Variants in LRTM3 observed in about 807,000 individuals in gnomAD.
The protein encoded by LRTM3 is leucine rich repeat transmembrane protein 3.
the LRTM3 span, chr13:102,737,206 G>C: frequency 6.4e-7 from 1 of 1,550,858 alleles, no homozygotes; most frequent in East Asian, 2.4e-5. Context: ...TCTGTGGCTT[G>C]TATTCTTGTA....
chr13:102,733,259 A>AT, the LRTM3 span: 2 of 1,551,274 alleles, frequency 1.3e-6, no homozygotes, highest in Non-Finnish European at 1.7e-6. Flanking sequence ...GACGATACTT[A>AT]TTTTTTTGAG....
At chr13:102,746,636 G>T in the LRTM3 span, 1 of 1,551,234 alleles carries the variant, frequency 6.4e-7, no homozygotes. Context: ...GAGTGCAAAT[G>T]TTACTCTCTT....
chr13:102,734,966 T>C, the LRTM3 span: 2 of 1,551,088 alleles, frequency 1.3e-6, no homozygotes, highest in Non-Finnish European at 1.7e-6. Context: ...TGTGCCTCCC[T>C]CAGTATCTGG....
the LRTM3 span, chr13:102,737,769 C>G: frequency 4.5e-4 from 700 of 1,550,968 alleles, 3 homozygotes; most frequent in African/African-American, 8.5e-3. Context: ...TTCCCTGTCT[C>G]TGATGATTTC....
At chr13:102,736,157 G>A in the LRTM3 span, 1 of 1,545,514 alleles carries the variant, frequency 6.5e-7, no homozygotes. Context: ...TGATGATATA[G>A]GAAGCTTTGG....
the LRTM3 span, chr13:102,746,053 G>A: frequency 2.1e-5 from 32 of 1,550,998 alleles, no homozygotes; most frequent in Non-Finnish European, 2.7e-5. Flanking sequence ...GGACTTTTAT[G>A]TCATTTTCTG....
the LRTM3 span, chr13:102,739,893 G>T: frequency 6.5e-7 from 1 of 1,550,168 alleles, no homozygotes; most frequent in Non-Finnish European, 8.7e-7. Flanking sequence ...ATGTTCCACT[G>T]CATTTCTAGT....
the LRTM3 span, among the ~76,000 whole-genome samples, chr13:102,754,802 G>A: frequency 6.6e-6 from 1 of 152,090 alleles, no homozygotes; most frequent in African/African-American, 2.4e-5. Context: ...AACAGTTCTA[G>A]AGCCATGGTA....
chr13:102,735,976 G>A, the LRTM3 span: 2 of 1,549,434 alleles, frequency 1.3e-6, no homozygotes, highest in East Asian at 2.4e-5. Flanking sequence ...GTGCAAGTGG[G>A]AGTGCCTCTG....
the LRTM3 span, chr13:102,745,443 C>G: frequency 1.2e-5 from 19 of 1,550,742 alleles, no homozygotes; most frequent in Admixed American, 3.3e-4. Context: ...TCATCTACCC[C>G]CTTTTTGCCT....
At chr13:102,748,124 T>G in the LRTM3 span, 1 of 1,551,142 alleles carries the variant, frequency 6.4e-7, no homozygotes, top group East Asian at 2.4e-5. Flanking sequence ...TGATATGCTA[T>G]GTGTTTCTGT....
the LRTM3 span, among the ~76,000 whole-genome samples, chr13:102,755,946 TATATATATATA>T: frequency 1.4e-4 from 6 of 42,478 alleles, no homozygotes; most frequent in African/African-American, 4.0e-4. Context: ...TATATACATA[TATATATATATA>T]TATATTTTTT....
At chr13:102,747,543 C>G in the LRTM3 span, 22 of 1,550,772 alleles carry the variant, frequency 1.4e-5, no homozygotes, top group Admixed American at 3.9e-5. Context: ...AGGGCAACTG[C>G]AGGTAAATAT....
chr13:102,734,349 C>G, the LRTM3 span: 1 of 1,551,268 alleles, frequency 6.4e-7, no homozygotes, highest in East Asian at 2.4e-5. Flanking sequence ...CCAAGCCTTT[C>G]TTCATCTGCA....
chr13:102,737,570 G>A, the LRTM3 span: 1 of 1,550,052 alleles, frequency 6.5e-7, no homozygotes, highest in Non-Finnish European at 8.7e-7. Flanking sequence ...CCTTTTCCCT[G>A]GCTCTTTAGG....
the LRTM3 span, among the ~76,000 whole-genome samples, chr13:102,753,084 A>G: frequency 5.9e-5 from 9 of 152,326 alleles, no homozygotes; most frequent in Non-Finnish European, 1.3e-4. Context: ...ACGCCCATCA[A>G]TGATAGACTG....
the LRTM3 span, chr13:102,747,459 T>C: frequency 5.2e-6 from 8 of 1,548,908 alleles, no homozygotes; most frequent in African/African-American, 9.6e-5. Context: ...ACACTTTTTG[T>C]TTCTGATAAT....
the LRTM3 span, chr13:102,733,000 TC>T: frequency 1.3e-6 from 2 of 1,551,290 alleles, no homozygotes; most frequent in African/African-American, 2.7e-5. Flanking sequence ...CCTGCTTCCT[TC>T]CCCCTTTTGC....
the LRTM3 span, chr13:102,743,703 A>G: frequency 1.3e-6 from 2 of 1,548,772 alleles, no homozygotes; most frequent in Non-Finnish European, 1.7e-6. Context: ...TTTCTGTTGG[A>G]TACAGTTTTT....
Sources: allele counts gnomAD v4.1 joint callset (sites outside exome capture counted in the v4.1 genomes callset), GRCh38; gene constraint gnomAD v4.1.1; transcripts MANE v1.5; gene names NCBI Gene and HGNC (gene_info 2026-07-23, HGNC 2026-07-21).